LARGE1: variants seen among roughly 807,000 people sequenced by gnomAD.
The protein encoded by LARGE1 is xylosyl- and glucuronyltransferase LARGE1.
A neutral mutation model predicts 87.6 loss-of-function variants in LARGE1; 43 were observed. The ratio of observed to expected loss-of-function variants is 0.49; its 90% CI spans 0.38 to 0.63. LARGE1 has a LOEUF of 0.63. LARGE1 is among the 30% of genes least tolerant of loss of function. LARGE1 has a pLI of 0.00. For synonymous variants in LARGE1, 434 were observed against 394.6 expected (o/e 1.10, Z -1.18); for missense variants, 802 against 1,000.2 (o/e 0.80, Z 2.67).
At chr22:33,186,259 GC>G (rs1392289286) in intron 11 of LARGE1, among the ~76,000 whole-genome samples, 2 of 152,022 alleles carry the variant, frequency 1.3e-5, no homozygotes, top group African/African-American at 4.8e-5. Context: ...GAATATAGAT[GC>G]AAAAAATCAC....
At chr22:33,178,525 G>C (rs757149932) in intron 11 of LARGE1, among the ~76,000 whole-genome samples, 1 of 152,198 alleles carries the variant, frequency 6.6e-6, no homozygotes, top group African/African-American at 2.4e-5. Flanking sequence ...GTGGGGACAG[G>C]GTTTGGATGG....
intron 2 of LARGE1, among the ~76,000 whole-genome samples, chr22:33,652,323 T>C (rs1051707697): frequency 1.3e-5 from 2 of 151,936 alleles, no homozygotes; most frequent in Admixed American, 6.6e-5. Flanking sequence ...TCCACTTCAA[T>C]AAACTTTCAT....
intron 11 of LARGE1, among the ~76,000 whole-genome samples, chr22:33,183,420 A>G (rs192906360): frequency 2.6e-5 from 4 of 152,272 alleles, no homozygotes; most frequent in Non-Finnish European, 5.9e-5. Context: ...CAACATGGAA[A>G]TTCTTCAAAA....
intron 9 of LARGE1, among the ~76,000 whole-genome samples, chr22:33,369,789 G>A (rs371843565): frequency 6.6e-6 from 1 of 152,004 alleles, no homozygotes; most frequent in Non-Finnish European, 1.5e-5. Context: ...AGCTGGTCTC[G>A]AATTCCTGAA....
chr22:33,537,545 C>G (rs2148615786), intron 6 of LARGE1, among the ~76,000 whole-genome samples: 1 of 152,236 alleles, frequency 6.6e-6, no homozygotes, highest in South Asian at 2.1e-4. Flanking sequence ...TATGTAAAGT[C>G]CCTTTTGCTA....
chr22:33,856,333 G>A (rs1159704512), intron 1 of LARGE1, among the ~76,000 whole-genome samples: 1 of 152,150 alleles, frequency 6.6e-6, no homozygotes, highest in Non-Finnish European at 1.5e-5. Context: ...CTGGGTGGGT[G>A]GGTGGTGGGT....
intron 7 of LARGE1, among the ~76,000 whole-genome samples, chr22:33,389,158 G>A (rs111847552): frequency 7.9e-5 from 12 of 152,322 alleles, no homozygotes; most frequent in African/African-American, 2.2e-4. Context: ...ACTGGGCTAC[G>A]CAAGAACTAG....
intron 1 of LARGE1, among the ~76,000 whole-genome samples, chr22:33,785,244 T>C (rs894650649): frequency 6.6e-6 from 1 of 151,824 alleles, no homozygotes; most frequent in Admixed American, 6.6e-5. Flanking sequence ...CATACATATG[T>C]GTATATATGC....
At chr22:33,427,231 T>G (rs1010993437) in intron 7 of LARGE1, among the ~76,000 whole-genome samples, 2 of 152,176 alleles carry the variant, frequency 1.3e-5, no homozygotes, top group African/African-American at 4.8e-5. Context: ...AACTGACCCG[T>G]TTCTGTGCAA....
intron 6 of LARGE1, among the ~76,000 whole-genome samples, chr22:33,532,262 A>AT (rs1409119980): frequency 2.6e-5 from 4 of 152,202 alleles, no homozygotes; most frequent in Non-Finnish European, 5.9e-5. Context: ...CCCCACCTAA[A>AT]ACACCTGTTC....
At chr22:33,563,555 A>T (rs899683168) in intron 6 of LARGE1, among the ~76,000 whole-genome samples, 4 of 152,192 alleles carry the variant, frequency 2.6e-5, no homozygotes, top group African/African-American at 7.2e-5. Context: ...ACAAACAGAC[A>T]CGATAGGGGA....
intron 6 of LARGE1, among the ~76,000 whole-genome samples, chr22:33,516,949 A>G (rs918024385): frequency 6.6e-6 from 1 of 152,198 alleles, no homozygotes; most frequent in African/African-American, 2.4e-5. Flanking sequence ...TCAAGGGAAC[A>G]CATCATTTTC....
At chr22:33,419,093 T>TA (rs2066604328) in intron 7 of LARGE1, among the ~76,000 whole-genome samples, 1 of 151,992 alleles carries the variant, frequency 6.6e-6, no homozygotes, top group Non-Finnish European at 1.5e-5. Flanking sequence ...TCAGGAAACT[T>TA]ACAATCATGG....
chr22:33,394,532 G>A (rs1013771799), intron 7 of LARGE1, among the ~76,000 whole-genome samples: 1 of 152,186 alleles, frequency 6.6e-6, no homozygotes, highest in Non-Finnish European at 1.5e-5. Context: ...AACTTGCAAA[G>A]TAGATGGAAT....
At chr22:33,422,336 T>G (rs1351070187) in intron 7 of LARGE1, among the ~76,000 whole-genome samples, 1 of 152,104 alleles carries the variant, frequency 6.6e-6, no homozygotes, top group African/African-American at 2.4e-5. Flanking sequence ...GAAAAGTCAT[T>G]TCATTGGCTC....
chr22:33,414,402 TAAC>T (rs926429835), intron 7 of LARGE1, among the ~76,000 whole-genome samples: 6 of 152,098 alleles, frequency 3.9e-5, no homozygotes, highest in South Asian at 2.1e-4. Context: ...TAGTTAACAA[TAAC>T]AACAACAATA....
At chr22:33,324,853 AAGAC>A (rs1937100092) in intron 10 of LARGE1, among the ~76,000 whole-genome samples, 1 of 152,216 alleles carries the variant, frequency 6.6e-6, no homozygotes, top group Admixed American at 6.5e-5. Flanking sequence ...CTGAATTAGT[AAGAC>A]AAAGGGTTTG....
intron 11 of LARGE1, among the ~76,000 whole-genome samples, chr22:33,189,918 GC>G (rs1923687449): frequency 6.6e-6 from 1 of 152,198 alleles, no homozygotes; most frequent in Non-Finnish European, 1.5e-5. Flanking sequence ...CTGCATCTAA[GC>G]TTTTGATACC....
intron 1 of LARGE1, among the ~76,000 whole-genome samples, chr22:33,795,144 T>A (rs145052104): frequency 1.1e-3 from 164 of 152,308 alleles, no homozygotes; most frequent in African/African-American, 3.8e-3. Flanking sequence ...AACTGTGTAA[T>A]CTGGTATAAA....
Sources: allele counts gnomAD v4.1 joint callset (sites outside exome capture counted in the v4.1 genomes callset), GRCh38; gene constraint gnomAD v4.1.1; transcripts MANE v1.5; gene names NCBI Gene and HGNC (gene_info 2026-07-23, HGNC 2026-07-21).